The following PTPRA variants were observed in gnomAD, a reference collection of about 807,000 sequenced individuals.
The protein encoded by PTPRA is protein tyrosine phosphatase receptor type A, also known as receptor-type tyrosine-protein phosphatase alpha.
Under a neutral mutation model 104.8 loss-of-function variants are expected in PTPRA, and 25 were observed. That is an observed-to-expected ratio of 0.24 (90% CI 0.17 to 0.33). The LOEUF (loss-of-function observed/expected upper bound fraction) is 0.33. Ranked by LOEUF, PTPRA falls within the 10% of genes least tolerant of loss-of-function variation. The pLI is 1.00. For missense variants in PTPRA, 765 were observed against 1,015.3 expected (o/e 0.75, Z 3.35); for synonymous variants, 323 against 368.9 (o/e 0.88, Z 1.43).
At chr20:2,951,166 C>A (rs2061341019) in intron 3 of PTPRA, among the ~76,000 whole-genome samples, 1 of 152,074 alleles carries the variant, frequency 6.6e-6, no homozygotes, top group African/African-American at 2.4e-5. Flanking sequence ...GTGGGGCGAT[C>A]TCGGCTTACT....
In PTPRA at chr20:2,960,249, A is replaced by ATTT. The variant is rs556503635; in HGVS notation, c.-6-4007_-6-4005dup. On this transcript the variant is annotated intron_variant, in intron 3 of 23. Coordinates refer to ENST00000399903, the MANE Select transcript of PTPRA (RefSeq NM_001385305.1). ...CCTTTTCCTAACTGCACAACCACTG[A>ATTT]TTTTTTTTTTTTTTTTTTGAGACGG... 1.9e-4 allele frequency among the ~76,000 whole-genome samples: 25 copies of ATTT among 134,308 alleles called. No homozygotes were observed. In the East Asian group the frequency reaches 4.1e-3, roughly 22 times the overall value. The allele number at this position is 134,308 out of a possible 152,430, so 88.1% of individuals were successfully genotyped here.
intron 5 of PTPRA, among the ~76,000 whole-genome samples, chr20:2,968,730 G>A (rs35673291): frequency 0.013 from 1,956 of 151,244 alleles, 22 homozygotes; most frequent in South Asian, 0.043. Context: ...CCTAAGCATC[G>A]CAGCAAAACC....
intron 1 of PTPRA, among the ~76,000 whole-genome samples, chr20:2,893,633 A>T (rs2058883735): frequency 6.6e-6 from 1 of 152,042 alleles, no homozygotes; most frequent in African/African-American, 2.4e-5. Context: ...TTTTATTGTC[A>T]GCTGGTTATT....
At chr20:2,893,719 G>A (rs960869780) in intron 1 of PTPRA, among the ~76,000 whole-genome samples, 1 of 152,070 alleles carries the variant, frequency 6.6e-6, no homozygotes, top group African/African-American at 2.4e-5. Flanking sequence ...TTGAAGGACA[G>A]CCCAGAACCA....
rs913751327 is a variant in PTPRA at position 2,956,193 on chromosome 20, A to G, written c.-6-8079A>G. On this transcript the variant is annotated intron_variant, in intron 3 of 23. Transcript: ENST00000399903. ...CAGTCAGTGACCCTCCTTACTTCAA[A>G]CCCCACCAGTTGATCCTTCACTCTG... 1.1e-4 allele frequency among the ~76,000 whole-genome samples: 16 copies of G among 151,918 alleles called. 1 individual carries two copies. The highest frequency in any genetic ancestry group is 3.1e-4 in the African/African-American group (13 of 41,336).
chr20:2,948,807 C>T (rs529330135), intron 3 of PTPRA, among the ~76,000 whole-genome samples: 3 of 152,110 alleles, frequency 2.0e-5, no homozygotes, highest in South Asian at 2.1e-4. Flanking sequence ...AAAAAATTAG[C>T]TGGGCGTGGT....
upstream of PTPRA, among the ~76,000 whole-genome samples, chr20:2,871,909 G>GA (rs2089438783): frequency 6.6e-6 from 1 of 152,200 alleles, no homozygotes; most frequent in African/African-American, 2.4e-5. Flanking sequence ...TGCTGAGAGG[G>GA]AGAGAGAGTC....
At chr20:2,905,927 CCA>C (rs2059414062) in intron 1 of PTPRA, among the ~76,000 whole-genome samples, 1 of 151,872 alleles carries the variant, frequency 6.6e-6, no homozygotes. Flanking sequence ...CTCAGGTGAT[CCA>C]CCCGCCTCGG....
intron 9 of PTPRA, among the ~76,000 whole-genome samples, chr20:3,004,616 C>T (rs962701506): frequency 1.4e-5 from 2 of 146,458 alleles, no homozygotes; most frequent in Non-Finnish European, 3.0e-5. Context: ...ATTAAATCAG[C>T]TGGCCATCCA....
At chr20:2,921,362 T>C (rs1048201136) in intron 1 of PTPRA, among the ~76,000 whole-genome samples, 10 of 149,302 alleles carry the variant, frequency 6.7e-5, no homozygotes, top group Non-Finnish European at 1.2e-4. Flanking sequence ...CAACAGTTGT[T>C]CACCCTTCCT....
intron 2 of PTPRA, among the ~76,000 whole-genome samples, chr20:2,938,163 A>C (rs575804602): frequency 1.3e-5 from 2 of 152,166 alleles, no homozygotes; most frequent in South Asian, 4.2e-4. Flanking sequence ...TAAAACAGAT[A>C]GATAGATAGT....
intron 2 of PTPRA, among the ~76,000 whole-genome samples, chr20:2,936,551 T>C (rs2060709738): frequency 6.6e-6 from 1 of 152,038 alleles, no homozygotes; most frequent in Admixed American, 6.6e-5. Flanking sequence ...AGCCTCAACC[T>C]CCTAGGCTCA....
chr20:3,037,175 G>T lies in PTPRA; in HGVS notation c.2220G>T (p.Gly740=), dbSNP rs1186973400. The change falls in exon 23 of 24, where the codon GGG becomes GGT. Residue 740 remains glycine (G), a synonymous_variant. Coordinates refer to ENST00000399903, the MANE Select transcript of PTPRA (RefSeq NM_001385305.1). This position sits in a 1 kb window ranked among gnomAD's most constrained non-coding sequence, Gnocchi z 4.3. ...GCAGCGCCGGGGCAGGAAGGACGGG[G>T]ACCTTCTGTGCCCTGAGCACCGTCC... ...VHCSAGAGRT[G]TFCALSTVLE... 1 of 1,614,204 alleles carries T rather than the reference G, an allele frequency of 6.2e-7. No homozygotes were observed. The highest frequency in any genetic ancestry group is 8.5e-7 in the Non-Finnish European group (1 of 1,180,026).
At chr20:2,867,643 A>G in the PTPRA span, among the ~76,000 whole-genome samples, 7 of 151,952 alleles carry the variant, frequency 4.6e-5, no homozygotes, top group Non-Finnish European at 1.0e-4. Context: ...CCTTGGCTTC[A>G]TGCCCAGGGC....
chr20:2,899,353 T>C (rs960673453), intron 1 of PTPRA, among the ~76,000 whole-genome samples: 1 of 152,204 alleles, frequency 6.6e-6, no homozygotes, highest in Non-Finnish European at 1.5e-5. Context: ...TCACAGTTCT[T>C]CTGAAACAGC....
At chr20:2,974,948 A>C (rs1380608850) in intron 5 of PTPRA, among the ~76,000 whole-genome samples, 1 of 152,242 alleles carries the variant, frequency 6.6e-6, no homozygotes, top group African/African-American at 2.4e-5. Context: ...GGAGCAAAAG[A>C]CATAAAGTCC....
At position 3,037,517 on chromosome 20, in the gene PTPRA, C is replaced by T. The variant is rs1365403631; in HGVS notation, c.2334+228C>T. Among the ~76,000 whole-genome samples the T allele has an allele frequency of 6.6e-6, 1 of 152,216 alleles. No individual in the cohort carries two copies. The highest frequency in any genetic ancestry group is 6.5e-5 in the Admixed American group (1 of 15,280). ...GGTTGGGCCAGGTTAGAAGGGGTGT[C>T]TGGGTGCCCCACAGGGCTCATCTGT... On this transcript the variant is annotated intron_variant, in intron 23 of 23. Coordinates refer to ENST00000399903, the MANE Select transcript of PTPRA (RefSeq NM_001385305.1). This position sits in a 1 kb window ranked among gnomAD's most constrained non-coding sequence, Gnocchi z 4.3.
At chr20:3,013,564 C>T (rs938035148) in intron 11 of PTPRA, among the ~76,000 whole-genome samples, 1 of 151,988 alleles carries the variant, frequency 6.6e-6, no homozygotes, top group African/African-American at 2.4e-5. Context: ...AGGCATGCAC[C>T]ACCACACCTG....
intron 6 of PTPRA, among the ~76,000 whole-genome samples, chr20:2,978,623 G>A (rs557875149): frequency 7.2e-5 from 11 of 152,232 alleles, no homozygotes; most frequent in South Asian, 2.1e-4. Flanking sequence ...CTGTTGTCCC[G>A]GGACACCATT....
Sources: allele counts gnomAD v4.1 joint callset (sites outside exome capture counted in the v4.1 genomes callset), GRCh38; gene constraint gnomAD v4.1.1; non-coding constraint Gnocchi (gnomAD v3.1); transcripts MANE v1.5; gene names NCBI Gene and HGNC (gene_info 2026-07-23, HGNC 2026-07-21).